Variants in PBX1 observed in about 807,000 individuals in gnomAD.
PBX1 encodes the protein PBX homeobox 1.
A neutral mutation model predicts 53.4 loss-of-function variants in PBX1; 6 were observed. The ratio of observed to expected loss-of-function variants is 0.11; its 90% CI spans 0.06 to 0.22. The LOEUF (loss-of-function observed/expected upper bound fraction) is 0.22. PBX1 is among the 10% of genes least tolerant of loss of function. The pLI is 1.00. For synonymous variants in PBX1, 204 were observed against 212.3 expected (o/e 0.96, Z 0.34); for missense variants, 251 against 551.4 (o/e 0.46, Z 5.46).
rs1671789288 is a variant in PBX1 at position 164,850,611 on chromosome 1, A to G, written c.*3935A>G. The G allele has an allele frequency of 5.2e-6, 1 of 193,034 alleles. No individual in the cohort carries two copies. The highest frequency in any genetic ancestry group is 1.1e-5 in the Non-Finnish European group (1 of 92,444). 12.0% of individuals were successfully genotyped at this position (193,034 alleles called of 1,614,324 possible). A position where few individuals can be genotyped will look rare whatever the true frequency, so the allele number is the denominator to read the frequency against. ...AGATGACTTGGGCAGAGGAGTAAGA[A>G]CAAGTAGGCTTGTTCTTCTACTTTG... On this transcript the variant is annotated 3_prime_UTR_variant, in exon 9 of 9. Transcript: ENST00000420696.
intron 2 of PBX1, among the ~76,000 whole-genome samples, chr1:164,613,129 A>G (rs1657046038): frequency 6.6e-6 from 1 of 152,228 alleles, no homozygotes; most frequent in East Asian, 1.9e-4. Flanking sequence ...TACAACTAGT[A>G]GAATACCATG....
At chr1:164,649,161 A>C (rs1659637834) in intron 2 of PBX1, among the ~76,000 whole-genome samples, 1 of 152,050 alleles carries the variant, frequency 6.6e-6, no homozygotes, top group African/African-American at 2.4e-5. Context: ...GCGCTTAGTC[A>C]CTTCACCTGC....
At chr1:164,647,008 AG>A (rs1406635043) in intron 2 of PBX1, among the ~76,000 whole-genome samples, 3 of 152,112 alleles carry the variant, frequency 2.0e-5, no homozygotes, top group African/African-American at 4.8e-5. Flanking sequence ...CCTGGTAGTA[AG>A]GGGGGCAGCC....
intron 2 of PBX1, among the ~76,000 whole-genome samples, chr1:164,858,679 G>T (rs1220015127): frequency 6.6e-6 from 1 of 152,156 alleles, no homozygotes; most frequent in Non-Finnish European, 1.5e-5. Flanking sequence ...AGGCCCAAAT[G>T]AATAAATGAA....
intron 2 of PBX1, among the ~76,000 whole-genome samples, chr1:164,569,953 A>G (rs553202807): frequency 1.3e-5 from 2 of 152,326 alleles, no homozygotes; most frequent in South Asian, 4.1e-4. Context: ...AGAATGGGTA[A>G]GAACAGAGGA....
intron 2 of PBX1, among the ~76,000 whole-genome samples, chr1:164,707,057 G>C (rs1258590821): frequency 6.6e-6 from 1 of 152,148 alleles, no homozygotes; most frequent in Non-Finnish European, 1.5e-5. Context: ...GGCTCTGGAG[G>C]CTGAAAGGGA....
chr1:164,834,823 T>C (rs1292267763), intron 8 of PBX1, among the ~76,000 whole-genome samples: 1 of 152,254 alleles, frequency 6.6e-6, no homozygotes, highest in East Asian at 1.9e-4. Context: ...CATTGGTTGC[T>C]CTTCTCTAAT....
At chr1:164,862,395 G>T (rs1241701529) in intron 2 of PBX1, among the ~76,000 whole-genome samples, 2 of 152,128 alleles carry the variant, frequency 1.3e-5, no homozygotes, top group Non-Finnish European at 2.9e-5. Flanking sequence ...CTCTCTTGTA[G>T]CACTCATCCT....
chr1:164,797,077 G>C (rs1488169539), intron 3 of PBX1, among the ~76,000 whole-genome samples: 1 of 152,186 alleles, frequency 6.6e-6, no homozygotes, highest in Non-Finnish European at 1.5e-5. Flanking sequence ...CTCAGCAGCT[G>C]TTTAGCAGCT....
intron 2 of PBX1, among the ~76,000 whole-genome samples, chr1:164,870,262 C>T (rs866071178): frequency 4.5e-4 from 29 of 64,608 alleles, no homozygotes; most frequent in South Asian, 1.7e-3. Context: ...TCCTTCCTTC[C>T]TTCCTTCTTT....
At chr1:164,669,920 T>G (rs887908306) in intron 2 of PBX1, among the ~76,000 whole-genome samples, 1 of 152,344 alleles carries the variant, frequency 6.6e-6, no homozygotes, top group Non-Finnish European at 1.5e-5. Flanking sequence ...ATTGCTATAT[T>G]GTCTTGATGA....
At chr1:164,572,497 T>C (rs2101715807) in intron 2 of PBX1, among the ~76,000 whole-genome samples, 1 of 152,314 alleles carries the variant, frequency 6.6e-6, no homozygotes, top group Non-Finnish European at 1.5e-5. Context: ...GACAAAGGAA[T>C]GATTCTCCAA....
In PBX1 at chr1:164,849,200, C is replaced by T; in HGVS notation, c.*2524C>T. The T allele has an allele frequency of 4.2e-6, 6 of 1,437,922 alleles. No individual in the cohort carries two copies. Among genetic ancestry groups the T allele is most frequent in the Non-Finnish European group, 5.5e-6 (6 of 1,093,546 alleles). 89.1% of individuals were successfully genotyped at this position (1,437,922 alleles called of 1,614,324 possible). ...ACTCCAGATGTGGCCTGAATAATTGCCATGTTAAGTTAATGCAAAAGATCA... is the reference window on the plus strand; with the variant it reads ...ACTCCAGATGTGGCCTGAATAATTGTCATGTTAAGTTAATGCAAAAGATCA... On this transcript the variant is annotated 3_prime_UTR_variant, in exon 9 of 9. Coordinates refer to ENST00000420696, the MANE Select transcript of PBX1 (RefSeq NM_002585.4).
intron 2 of PBX1, among the ~76,000 whole-genome samples, chr1:164,737,595 C>T (rs536804235): frequency 6.6e-6 from 1 of 152,082 alleles, no homozygotes; most frequent in Non-Finnish European, 1.5e-5. Context: ...TCGCCTGCCT[C>T]AGCCTCCTGA....
intron 2 of PBX1, among the ~76,000 whole-genome samples, chr1:164,715,341 A>T (rs143763400): frequency 1.1e-4 from 16 of 152,316 alleles, no homozygotes; most frequent in African/African-American, 3.8e-4. Context: ...GTCTGATTAT[A>T]ATCATGGAGT....
intron 6 of PBX1, chr1:164,813,808 C>A (rs1669741491): frequency 6.6e-6 from 1 of 152,292 alleles, no homozygotes; most frequent in Admixed American, 6.5e-5. Context: ...TTTCCTAAAG[C>A]CCTTAAAAGA....
At chr1:164,820,489 G>A (rs1205868223) in intron 7 of PBX1, among the ~76,000 whole-genome samples, 1 of 152,138 alleles carries the variant, frequency 6.6e-6, no homozygotes, top group Non-Finnish European at 1.5e-5. Flanking sequence ...TCACCAAAGG[G>A]AAAAGGAGGA....
At chr1:164,772,271 T>C (rs946910065) in intron 2 of PBX1, among the ~76,000 whole-genome samples, 8 of 152,220 alleles carry the variant, frequency 5.3e-5, no homozygotes, top group African/African-American at 1.9e-4. Flanking sequence ...AGTGAAATTT[T>C]CTCTATCTTT....
chr1:164,805,847 A>G (rs541141397), intron 4 of PBX1, among the ~76,000 whole-genome samples: 203 of 152,278 alleles, frequency 1.3e-3, no homozygotes, highest in African/African-American at 4.7e-3. Flanking sequence ...ATGATTTAGG[A>G]GAGTGACTTG....
Sources: gnomAD v4.1 joint callset for allele counts (sites outside exome capture counted in the v4.1 genomes callset) on GRCh38, gnomAD v4.1.1 for gene constraint, MANE v1.5 for transcripts, NCBI Gene and HGNC (gene_info 2026-07-23, HGNC 2026-07-21) for gene names.